The following ANO2 variants were observed in gnomAD, a reference collection of about 807,000 sequenced individuals.
ANO2 encodes the protein anoctamin 2.
ANO2 carries 101 observed loss-of-function variants against 124.2 expected under a neutral mutation model. The ratio of observed to expected loss-of-function variants is 0.81; its 90% CI spans 0.69 to 0.96. The LOEUF (loss-of-function observed/expected upper bound fraction) is 0.96, where lower values mean the gene tolerates loss of function less well. ANO2 is among the 40% of genes least tolerant of loss of function. The pLI is 0.00. For synonymous variants in ANO2, 486 were observed against 482.5 expected (o/e 1.01, Z -0.09); for missense variants, 1,293 against 1,274.5 (o/e 1.01, Z -0.22).
chr12:5,841,275 C>T (rs1414940161), intron 4 of ANO2, among the ~76,000 whole-genome samples: 1 of 152,224 alleles, frequency 6.6e-6, no homozygotes, highest in African/African-American at 2.4e-5. Context: ...GGAAGACTTT[C>T]TCTGTGCACA....
intron 3 of ANO2, among the ~76,000 whole-genome samples, chr12:5,871,445 G>C (rs1352519972): frequency 6.6e-6 from 1 of 152,120 alleles, no homozygotes; most frequent in African/African-American, 2.4e-5. Flanking sequence ...TCCCAAACTG[G>C]TACCAGTCTG....
At chr12:5,844,839 G>GTGTTTGTT (rs6144597) in intron 4 of ANO2, among the ~76,000 whole-genome samples, 57,779 of 150,780 alleles carry the variant, frequency 0.38, 12,051 homozygotes, top group East Asian at 0.51. Context: ...CAGTTTTTGT[G>GTGTTTGTT]TGTTTGTTTG....
intron 3 of ANO2, among the ~76,000 whole-genome samples, chr12:5,903,715 T>C (rs1369992261): frequency 6.6e-6 from 1 of 151,810 alleles, no homozygotes; most frequent in Non-Finnish European, 1.5e-5. Flanking sequence ...AATTCACAAT[T>C]ATCCAAACTG....
intron 3 of ANO2, among the ~76,000 whole-genome samples, chr12:5,911,017 G>A (rs1941015312): frequency 6.6e-6 from 1 of 152,140 alleles, no homozygotes; most frequent in Admixed American, 6.5e-5. Flanking sequence ...CAGCATCTGC[G>A]GGCAGGGAGA....
At chr12:5,574,271 C>G (rs1942284148) in intron 23 of ANO2, among the ~76,000 whole-genome samples, 1 of 152,038 alleles carries the variant, frequency 6.6e-6, no homozygotes, top group Non-Finnish European at 1.5e-5. Context: ...TTCATTTGCC[C>G]TTCTTGGGTA....
At chr12:5,891,398 C>G (rs544259047) in intron 3 of ANO2, among the ~76,000 whole-genome samples, 2 of 152,122 alleles carry the variant, frequency 1.3e-5, no homozygotes, top group Non-Finnish European at 2.9e-5. Context: ...TGTGTGCGTC[C>G]TTTCACCACT....
At chr12:5,893,953 T>C (rs1438459043) in intron 3 of ANO2, among the ~76,000 whole-genome samples, 2 of 152,178 alleles carry the variant, frequency 1.3e-5, no homozygotes, top group African/African-American at 4.8e-5. Context: ...TAAACATACA[T>C]GTGCATGTGT....
chr12:5,886,976 T>C (rs1214919242), intron 3 of ANO2, among the ~76,000 whole-genome samples: 1 of 152,064 alleles, frequency 6.6e-6, no homozygotes. Flanking sequence ...AGAGTTTCAG[T>C]TGAGGAAGAC....
chr12:5,906,121 T>C (rs566872841), intron 3 of ANO2, among the ~76,000 whole-genome samples: 2 of 152,188 alleles, frequency 1.3e-5, no homozygotes, highest in East Asian at 3.9e-4. Flanking sequence ...AGGAAAAGGA[T>C]AGGAGCTGAC....
intron 15 of ANO2, 22 bp downstream of exon 15, chr12:5,647,705 A>G: frequency 6.3e-7 from 1 of 1,581,524 alleles, no homozygotes; most frequent in Non-Finnish European, 8.7e-7. Flanking sequence ...GTCACAGGCA[A>G]GTGGTCCCTC....
chr12:5,766,850 G>C (rs117860777), intron 10 of ANO2, among the ~76,000 whole-genome samples: 1 of 152,200 alleles, frequency 6.6e-6, no homozygotes, highest in Admixed American at 6.5e-5. Context: ...TGCGAGGTGA[G>C]TTCTCATCTG....
chr12:5,914,137 T>C (rs1591785104), intron 3 of ANO2, among the ~76,000 whole-genome samples: 1 of 151,706 alleles, frequency 6.6e-6, no homozygotes, highest in Non-Finnish European at 1.5e-5. Context: ...GAGGCGGAGG[T>C]TGCAGTGAGC....
rs1353440897 is a variant in ANO2, at chr12:5,869,231, C to T, written c.535-15090G>A. On this transcript the variant is annotated intron_variant, in intron 3 of 24. Transcript: ENST00000682330. Reference sequence around the variant, plus strand: ...CACTCCAGCACCAGTCCGAGTAGCACCTCCTCCAAGAAGCCTTTCTGGACT... The same window carrying T: ...CACTCCAGCACCAGTCCGAGTAGCATCTCCTCCAAGAAGCCTTTCTGGACT... Among the ~76,000 whole-genome samples the T allele has an allele frequency of 2.0e-5, 3 of 152,168 alleles. No individual in the cohort carries two copies. The South Asian group carries it at 6.2e-4, about 32-fold the overall frequency.
intron 10 of ANO2, among the ~76,000 whole-genome samples, chr12:5,782,169 T>A (rs1455264469): frequency 6.6e-6 from 1 of 152,250 alleles, no homozygotes; most frequent in East Asian, 1.9e-4. Context: ...TCTTAATGAA[T>A]TAACCCCTTT....
intron 16 of ANO2, among the ~76,000 whole-genome samples, chr12:5,633,728 C>T (rs532757342): frequency 9.8e-5 from 15 of 152,304 alleles, no homozygotes; most frequent in Non-Finnish European, 1.9e-4. Flanking sequence ...TTCTCCCGTA[C>T]GCTGAGCTCA....
At chr12:5,687,060 A>G (rs947792557) in intron 14 of ANO2, among the ~76,000 whole-genome samples, 5 of 152,254 alleles carry the variant, frequency 3.3e-5, no homozygotes, top group African/African-American at 1.2e-4. Flanking sequence ...GAGGGATGCC[A>G]TCTAGGAAAT....
chr12:5,816,772 C>A (rs12314120), intron 7 of ANO2, among the ~76,000 whole-genome samples: 6,555 of 152,220 alleles, frequency 0.043, 315 homozygotes, highest in African/African-American at 0.12. Flanking sequence ...ATTGCCTCCT[C>A]CCCTGTGTCC....
chr12:5,903,672 T>TGTGG lies in ANO2; in HGVS notation c.534+17367_534+17368insCCAC, dbSNP rs767518707. Among the ~76,000 whole-genome samples, 9 of 151,890 alleles carry TGTGG rather than the reference T, an allele frequency of 5.9e-5. No individual in the cohort carries two copies. The South Asian group carries it at 8.3e-4, about 14-fold the overall frequency. ...ATGTGTGTGTGTGTGTGTGTGTGTG[T>TGTGG]GTGTGGGTGTAGACAGCAAGGTCTG... is the stretch of plus-strand genomic sequence containing the variant. On this transcript the variant is annotated intron_variant, in intron 3 of 24. Coordinates refer to ENST00000682330, the MANE Select transcript of ANO2 (RefSeq NM_001364791.2).
intron 10 of ANO2, among the ~76,000 whole-genome samples, chr12:5,770,715 G>A (rs1033231852): frequency 6.6e-5 from 10 of 152,078 alleles, no homozygotes; most frequent in Non-Finnish European, 1.2e-4. Flanking sequence ...TTCTTCCTCT[G>A]CTCAGGATGA....
Sources: allele counts gnomAD v4.1 joint callset (sites outside exome capture counted in the v4.1 genomes callset), GRCh38; gene constraint gnomAD v4.1.1; transcripts MANE v1.5; gene names NCBI Gene and HGNC (gene_info 2026-07-23, HGNC 2026-07-21).